Variants in TRPS1 observed in about 807,000 individuals in gnomAD.
The protein encoded by TRPS1 is transcriptional repressor GATA binding 1.
A neutral mutation model predicts 101.2 loss-of-function variants in TRPS1; 6 were observed. That is an observed-to-expected ratio of 0.06 (90% CI 0.03 to 0.12). The LOEUF (loss-of-function observed/expected upper bound fraction) is 0.12, where lower values mean the gene tolerates loss of function less well. Ranked by LOEUF, TRPS1 falls within the 10% of genes least tolerant of loss-of-function variation. TRPS1 has a pLI of 1.00. For missense variants in TRPS1, 1,363 were observed against 1,567.0 expected, an observed-to-expected ratio of 0.87 and a Z score of 2.20; for synonymous variants, 578 against 589.8, an observed-to-expected ratio of 0.98 and a Z score of 0.29.
intron 5 of TRPS1, among the ~76,000 whole-genome samples, chr8:115,456,174 T>C (rs974042852): frequency 2.6e-5 from 4 of 152,138 alleles, no homozygotes; most frequent in Admixed American, 2.6e-4. Flanking sequence ...ATAATTGCAG[T>C]TTTTTTCTAT....
Position 115,604,460 on chromosome 8 carries a change from T to C in TRPS1, c.1509A>G (p.Ser503=). ...CTGTCTTGGTCATTGTCTCTCCTTC[T>C]GAACTTTTGGCTAGATCATTCTGAT... ...VINQNDLAKS[S]EGETMTKTDK... Residue 503 remains serine (S), a synonymous_variant, in exon 4 of 7, where the codon TCA becomes TCG. Coordinates refer to ENST00000395715, the MANE Select transcript of TRPS1 (RefSeq NM_014112.5). This position sits in a 1 kb window ranked among gnomAD's most constrained non-coding sequence, Gnocchi z 4.1. The C allele has an allele frequency of 1.2e-6, 2 of 1,614,116 alleles. No homozygotes were observed. The highest frequency in any genetic ancestry group is 1.7e-6 in the Non-Finnish European group (2 of 1,179,992).
At chr8:115,462,535 A>T (rs373987192) in intron 5 of TRPS1, among the ~76,000 whole-genome samples, 1 of 152,148 alleles carries the variant, frequency 6.6e-6, no homozygotes, top group Admixed American at 6.6e-5. Context: ...CATCCGACAC[A>T]TGAGTGCAGG....
At chr8:115,610,422 C>A (rs1818136316) in intron 3 of TRPS1, among the ~76,000 whole-genome samples, 1 of 152,172 alleles carries the variant, frequency 6.6e-6, no homozygotes, top group South Asian at 2.1e-4. Context: ...GAGTGTGCTT[C>A]AGTGATATAC....
intron 5 of TRPS1, among the ~76,000 whole-genome samples, chr8:115,471,159 T>C (rs1814458941): frequency 6.6e-6 from 1 of 152,176 alleles, no homozygotes; most frequent in South Asian, 2.1e-4. Context: ...GGGTATTGTA[T>C]TAGTCCATTC....
chr8:115,512,929 A>C (rs188532034), intron 5 of TRPS1, among the ~76,000 whole-genome samples: 3 of 151,788 alleles, frequency 2.0e-5, no homozygotes, highest in Admixed American at 2.0e-4. Flanking sequence ...GGGGAATGGG[A>C]ATGACACAAA....
At chr8:115,623,790 TC>T in intron 1 of TRPS1, 32 bp from the exon 2 acceptor site, 1 of 1,425,744 alleles carries the variant, frequency 7.0e-7, no homozygotes, top group Non-Finnish European at 9.2e-7. Context: ...AAATTTTCCT[TC>T]CTAAATGATG....
intron 5 of TRPS1, among the ~76,000 whole-genome samples, chr8:115,525,890 T>C (rs989772635): frequency 6.6e-6 from 1 of 152,124 alleles, no homozygotes; most frequent in Non-Finnish European, 1.5e-5. Flanking sequence ...GTATAACCAA[T>C]GGAAATAATT....
intron 5 of TRPS1, among the ~76,000 whole-genome samples, chr8:115,455,205 T>C (rs1813985773): frequency 6.6e-6 from 1 of 152,230 alleles, no homozygotes; most frequent in African/African-American, 2.4e-5. Flanking sequence ...AATAACTGTG[T>C]AAAATCTCAG....
At chr8:115,518,156 T>C (rs1048510522) in intron 5 of TRPS1, among the ~76,000 whole-genome samples, 3 of 151,646 alleles carry the variant, frequency 2.0e-5, no homozygotes, top group Non-Finnish European at 4.4e-5. Flanking sequence ...TGAAAACAAA[T>C]CCAAACCTTA....
intron 5 of TRPS1, among the ~76,000 whole-genome samples, chr8:115,475,266 T>TTATATATATATATATATATATA (rs33922102): frequency 2.2e-4 from 27 of 124,000 alleles, no homozygotes; most frequent in African/African-American, 8.6e-4. Context: ...TGAATCACAG[T>TTATATATATATATATATATATA]TATATATATA....
chr8:115,510,681 T>C (rs1815561718), intron 5 of TRPS1, among the ~76,000 whole-genome samples: 1 of 151,986 alleles, frequency 6.6e-6, no homozygotes. Flanking sequence ...ATCCTGAAAA[T>C]AAGCACCTTC....
chr8:115,548,482 T>C (rs1410610932), intron 5 of TRPS1, among the ~76,000 whole-genome samples: 1 of 151,770 alleles, frequency 6.6e-6, no homozygotes, highest in Non-Finnish European at 1.5e-5. Flanking sequence ...GGATTACAGG[T>C]GCCCCGCCCG....
intron 5 of TRPS1, among the ~76,000 whole-genome samples, chr8:115,432,856 A>G (rs1400898241): frequency 2.0e-5 from 3 of 151,750 alleles, no homozygotes; most frequent in Admixed American, 2.0e-4. Context: ...AAGATATGAC[A>G]TTGTGAACAG....
At chr8:115,636,338 A>C (rs2737229) in intron 1 of TRPS1, among the ~76,000 whole-genome samples, 71,523 of 152,034 alleles carry the variant, frequency 0.47, 20,995 homozygotes, top group African/African-American at 0.83. Flanking sequence ...AGGCTGGAAA[A>C]TAAAGTACCA....
At chr8:115,649,651 A>C (rs955310230) in intron 1 of TRPS1, among the ~76,000 whole-genome samples, 13 of 152,178 alleles carry the variant, frequency 8.5e-5, no homozygotes, top group African/African-American at 2.9e-4. Flanking sequence ...GGTTGCACTC[A>C]CTTTTACTTA....
At chr8:115,492,457 CTG>C (rs72046761) in intron 5 of TRPS1, among the ~76,000 whole-genome samples, 91,573 of 145,186 alleles carry the variant, frequency 0.63, 28,189 homozygotes, top group East Asian at 0.84. Flanking sequence ...GTGCCAAGCA[CTG>C]TGTGTGTGTG....
intron 5 of TRPS1, among the ~76,000 whole-genome samples, chr8:115,424,458 G>T (rs1586260274): frequency 6.6e-6 from 1 of 152,200 alleles, no homozygotes; most frequent in Non-Finnish European, 1.5e-5. Context: ...ACAAGCCAGG[G>T]TCACAGCGTG....
chr8:115,522,627 T>A (rs959852754), intron 5 of TRPS1, among the ~76,000 whole-genome samples: 2 of 152,046 alleles, frequency 1.3e-5, no homozygotes, highest in African/African-American at 4.8e-5. Flanking sequence ...TAATGAAATG[T>A]GTGAAATTTT....
intron 5 of TRPS1, among the ~76,000 whole-genome samples, chr8:115,485,768 G>A (rs2130081801): frequency 6.6e-6 from 1 of 152,302 alleles, no homozygotes; most frequent in Non-Finnish European, 1.5e-5. Context: ...AGATGATTTT[G>A]AACAAAGAGA....
Sources: gnomAD v4.1 joint callset for allele counts (sites outside exome capture counted in the v4.1 genomes callset) on GRCh38, gnomAD v4.1.1 for gene constraint, Gnocchi (gnomAD v3.1) non-coding constraint, MANE v1.5 for transcripts, NCBI Gene and HGNC (gene_info 2026-07-23, HGNC 2026-07-21) for gene names.